Variants in DLGAP1 observed in about 807,000 individuals in gnomAD.
DLGAP1 encodes the protein DLG associated protein 1.
A neutral mutation model predicts 90.8 loss-of-function variants in DLGAP1; 11 were observed. The ratio of observed to expected loss-of-function variants is 0.12; its 90% CI spans 0.08 to 0.20. The LOEUF is 0.20. DLGAP1 is among the 10% of genes least tolerant of loss of function. DLGAP1 has a pLI of 1.00. For synonymous variants in DLGAP1, 558 were observed against 540.7 expected (o/e 1.03, Z -0.44); for missense variants, 1,050 against 1,333.8 (o/e 0.79, Z 3.31).
At chr18:3,599,869 G>A (rs557240861) in intron 7 of DLGAP1, among the ~76,000 whole-genome samples, 9 of 151,876 alleles carry the variant, frequency 5.9e-5, no homozygotes, top group East Asian at 1.9e-4. Context: ...CGCCCACCTC[G>A]GCCTCCCAAA....
intron 7 of DLGAP1, among the ~76,000 whole-genome samples, chr18:3,700,852 G>A (rs775110298): frequency 3.3e-5 from 5 of 151,514 alleles, no homozygotes; most frequent in Admixed American, 6.6e-5. Context: ...CTCATGATCC[G>A]CCCACCTCGG....
At chr18:3,730,260 AAAC>A (rs945770562) in intron 6 of DLGAP1, among the ~76,000 whole-genome samples, 1 of 149,562 alleles carries the variant, frequency 6.7e-6, no homozygotes, top group Non-Finnish European at 1.5e-5. Context: ...CTCAACAAAC[AAAC>A]AACAACAACA....
intron 1 of DLGAP1, among the ~76,000 whole-genome samples, chr18:4,326,923 AAAATTATCCATACACC>A (rs2080830832): frequency 6.6e-6 from 1 of 152,074 alleles, no homozygotes; most frequent in Non-Finnish European, 1.5e-5. Context: ...CCCAGCCGAC[AAAATTATCCATACACC>A]AAACCCCTGC....
At chr18:4,213,757 G>A (rs1291894309) in intron 1 of DLGAP1, among the ~76,000 whole-genome samples, 1 of 152,184 alleles carries the variant, frequency 6.6e-6, no homozygotes, top group African/African-American at 2.4e-5. Flanking sequence ...AGAGTAATAA[G>A]ACAAATACAA....
At chr18:3,600,266 T>TATGAGA (rs1388373403) in intron 7 of DLGAP1, among the ~76,000 whole-genome samples, 1 of 152,130 alleles carries the variant, frequency 6.6e-6, no homozygotes, top group Non-Finnish European at 1.5e-5. Flanking sequence ...TTTGTTTTTT[T>TATGAGA]ATGAGACGGA....
At chr18:4,105,874 CAA>C (rs1198509465) in intron 2 of DLGAP1, among the ~76,000 whole-genome samples, 5 of 150,754 alleles carry the variant, frequency 3.3e-5, no homozygotes, top group African/African-American at 4.9e-5. Context: ...ACTAAAAATA[CAA>C]AAAAAATTAG....
chr18:4,227,660 A>G (rs1294001559), intron 1 of DLGAP1, among the ~76,000 whole-genome samples: 1 of 151,850 alleles, frequency 6.6e-6, no homozygotes, highest in East Asian at 1.9e-4. Context: ...ATGATAATGG[A>G]AACACAATAT....
At chr18:4,344,817 C>T (rs555497994) in intron 1 of DLGAP1, among the ~76,000 whole-genome samples, 2 of 152,256 alleles carry the variant, frequency 1.3e-5, no homozygotes, top group African/African-American at 4.8e-5. Context: ...ATTTATACAC[C>T]TTCAATCTTC....
intron 3 of DLGAP1, among the ~76,000 whole-genome samples, chr18:3,895,247 C>T (rs923350703): frequency 7.3e-5 from 11 of 150,168 alleles, no homozygotes; most frequent in Non-Finnish European, 1.3e-4. Context: ...CCATTTTTAT[C>T]CTACTATCAT....
Position 4,343,132 on chromosome 18 carries a change from T to C in DLGAP1, c.-267+111874A>G, listed in dbSNP as rs1048102221. On this transcript the variant is annotated intron_variant, in intron 1 of 12. Coordinates refer to ENST00000315677, the MANE Select transcript of DLGAP1 (RefSeq NM_004746.4). ...ACCATCCTGTCTAACATGGTGAAAC[T>C]CCGTCTCTACTAAAAATACAAAAAA... Among the ~76,000 whole-genome samples the C allele has an allele frequency of 3.4e-4, 51 of 151,412 alleles. 1 individual carries two copies. The highest frequency in any genetic ancestry group is 2.2e-3 in the Admixed American group (34 of 15,200).
At position 3,773,076 on chromosome 18, in the gene DLGAP1, T is replaced by TC. The variant is rs201603075; in HGVS notation, c.1173-30565dup. Among the ~76,000 whole-genome samples, 1,234 of 152,314 alleles carry TC rather than the reference T, an allele frequency of 8.1e-3. 9 individuals carry two copies. The highest frequency in any genetic ancestry group is 0.013 in the Non-Finnish European group (876 of 68,030). On this transcript the variant is annotated intron_variant, in intron 5 of 12. Transcript: ENST00000315677. ...TGGAATGAAGGAGTTCTTAATGAGC[T>TC]CCTTGTGTATTCTTAGATGGGACTT... is the stretch of plus-strand genomic sequence containing the variant.
chr18:3,672,293 A>G (rs9962283), intron 7 of DLGAP1, among the ~76,000 whole-genome samples: 37,463 of 151,384 alleles, frequency 0.25, 5,073 homozygotes, highest in African/African-American at 0.34. Context: ...GAAAGTTAAC[A>G]AGAGCAGGGA....
chr18:4,346,285 C>T (rs1358653487), intron 1 of DLGAP1, among the ~76,000 whole-genome samples: 1 of 151,824 alleles, frequency 6.6e-6, no homozygotes, highest in East Asian at 1.9e-4. Context: ...AGCTCCAAGT[C>T]AGATGGATGG....
intron 7 of DLGAP1, among the ~76,000 whole-genome samples, chr18:3,599,651 C>T (rs1313255867): frequency 6.6e-6 from 1 of 152,112 alleles, no homozygotes; most frequent in Non-Finnish European, 1.5e-5. Flanking sequence ...GAGACAGTCT[C>T]ACTCTGTTGT....
At chr18:4,318,423 G>C (rs1464601011) in intron 1 of DLGAP1, among the ~76,000 whole-genome samples, 1 of 152,306 alleles carries the variant, frequency 6.6e-6, no homozygotes, top group East Asian at 1.9e-4. Context: ...TCTGAAAGTT[G>C]TAACATGATA....
chr18:4,017,028 GA>G (rs562873721), intron 2 of DLGAP1, among the ~76,000 whole-genome samples: 29 of 152,136 alleles, frequency 1.9e-4, no homozygotes, highest in Non-Finnish European at 3.7e-4. Context: ...ATTTTCAGAT[GA>G]ATAAGAGGTG....
At position 3,729,015 on chromosome 18, in the gene DLGAP1, G is replaced by T; in HGVS notation, c.1591+120C>A. 7.0e-7 allele frequency: 1 copy of T among 1,418,910 alleles called. No homozygotes were observed. Among genetic ancestry groups the T allele is most frequent in the Non-Finnish European group, 9.3e-7 (1 of 1,069,566 alleles). 87.9% of individuals were successfully genotyped at this position (1,418,910 alleles called of 1,614,324 possible). A position where few individuals can be genotyped will look rare whatever the true frequency, so the allele number is the denominator to read the frequency against. On this transcript the variant is annotated intron_variant, in intron 7 of 12. Coordinates refer to ENST00000315677, the MANE Select transcript of DLGAP1 (RefSeq NM_004746.4). This position sits in a 1 kb window ranked among gnomAD's most constrained non-coding sequence, Gnocchi z 6.2. ...GGGAAGGAAAACCTTTGGTTTGTAG[G>T]ACATGGGTGGTATCTTGTTCCTGGC... is the stretch of plus-strand genomic sequence containing the variant.
chr18:4,443,467 A>AT (rs1034171726), intron 1 of DLGAP1, among the ~76,000 whole-genome samples: 7 of 152,086 alleles, frequency 4.6e-5, no homozygotes, highest in African/African-American at 1.2e-4. Flanking sequence ...TTTAGAATTC[A>AT]TTTTTTCATA....
chr18:4,242,820 G>T (rs1161000544), intron 1 of DLGAP1, among the ~76,000 whole-genome samples: 1 of 152,032 alleles, frequency 6.6e-6, no homozygotes, highest in East Asian at 1.9e-4. Flanking sequence ...CCCATGTGAG[G>T]GCTAGATCAC....
Sources: allele counts gnomAD v4.1 joint callset (sites outside exome capture counted in the v4.1 genomes callset), GRCh38; gene constraint gnomAD v4.1.1; non-coding constraint Gnocchi (gnomAD v3.1); transcripts MANE v1.5; gene names NCBI Gene and HGNC (gene_info 2026-07-23, HGNC 2026-07-21).